CPNE4: variants seen among roughly 807,000 people sequenced by gnomAD.
The protein encoded by CPNE4 is copine 4.
In CPNE4, 25 loss-of-function variants were observed where a neutral mutation model predicts 67.9. The ratio of observed to expected loss-of-function variants is 0.37; its 90% CI spans 0.27 to 0.51. The LOEUF (loss-of-function observed/expected upper bound fraction) is 0.51, where lower values mean the gene tolerates loss of function less well. Among genes scored for constraint, CPNE4 ranks in the 20% least tolerant of loss-of-function variants. The probability of loss-of-function intolerance (pLI) is 0.93; values close to 1 mark genes in which losing one functional copy is unlikely to be tolerated. For synonymous variants in CPNE4, 242 were observed against 244.9 expected (o/e 0.99, Z 0.11); for missense variants, 464 against 690.8 (o/e 0.67, Z 3.68).
intron 2 of CPNE4, among the ~76,000 whole-genome samples, chr3:131,857,242 C>T (rs1324810983): frequency 6.6e-6 from 1 of 152,020 alleles, no homozygotes; most frequent in Non-Finnish European, 1.5e-5. Context: ...ACCCTTTAGG[C>T]CAATGCGTAT....
intron 7 of CPNE4, among the ~76,000 whole-genome samples, chr3:131,658,437 C>G (rs892664492): frequency 6.6e-6 from 1 of 152,180 alleles, no homozygotes; most frequent in Admixed American, 6.5e-5. Flanking sequence ...CTGGAAGTGT[C>G]CAAAAGTATT....
intron 3 of CPNE4, among the ~76,000 whole-genome samples, chr3:131,701,434 A>G (rs1560142133): frequency 1.3e-5 from 2 of 152,188 alleles, no homozygotes; most frequent in Non-Finnish European, 2.9e-5. Flanking sequence ...AAATAGAATA[A>G]TACAAAAGTG....
At chr3:131,805,596 T>C (rs1047268838) in intron 2 of CPNE4, among the ~76,000 whole-genome samples, 5 of 152,222 alleles carry the variant, frequency 3.3e-5, no homozygotes, top group Non-Finnish European at 7.3e-5. Flanking sequence ...TGGAGTCATC[T>C]TGAAGACTGC....
Position 131,636,038 on chromosome 3 carries a change from G to A in CPNE4, c.681+33637C>T, listed in dbSNP as rs1377640914. Among the ~76,000 whole-genome samples, 2 of 89,744 alleles carry A rather than the reference G, an allele frequency of 2.2e-5. 1 individual carries two copies. The highest frequency in any genetic ancestry group is 3.8e-5 in the Non-Finnish European group (2 of 52,728). 58.9% of individuals were successfully genotyped at this position (89,744 alleles called of 152,430 possible). The stretch of plus-strand genomic sequence containing the variant: ...GGAGCTTGCAGTGAGCCGAGATCCC[G>A]CCACTGCACTCCAGCCTGGGCGACA... On this transcript the variant is annotated intron_variant, in intron 7 of 15. Coordinates refer to ENST00000429747, the MANE Select transcript of CPNE4 (RefSeq NM_130808.3).
chr3:131,719,536 G>T (rs937189136), intron 3 of CPNE4, among the ~76,000 whole-genome samples: 2 of 152,074 alleles, frequency 1.3e-5, no homozygotes, highest in Admixed American at 6.6e-5. Context: ...GTTTCCCTTT[G>T]TTCACCCCAC....
intron 1 of CPNE4, among the ~76,000 whole-genome samples, chr3:131,987,775 T>C (rs1274635374): frequency 1.3e-5 from 2 of 152,164 alleles, no homozygotes; most frequent in African/African-American, 4.8e-5. Flanking sequence ...TAGGTTCTGA[T>C]GGTCTAGATT....
intron 2 of CPNE4, among the ~76,000 whole-genome samples, chr3:131,853,419 T>G (rs944485466): frequency 6.6e-6 from 1 of 151,748 alleles, no homozygotes; most frequent in Non-Finnish European, 1.5e-5. Context: ...ACAAAATTAA[T>G]TTGAGATGGA....
intron 1 of CPNE4, among the ~76,000 whole-genome samples, chr3:131,922,476 T>C (rs76204987): frequency 0.075 from 11,482 of 152,184 alleles, 571 homozygotes; most frequent in East Asian, 0.16. Context: ...GCCAAGAGCC[T>C]GATCTAAATT....
intron 3 of CPNE4, among the ~76,000 whole-genome samples, chr3:131,722,232 T>G (rs955342224): frequency 6.6e-6 from 1 of 152,096 alleles, no homozygotes; most frequent in African/African-American, 2.4e-5. Context: ...ACCTGACCCT[T>G]ACCTTGACAG....
At chr3:131,980,305 T>A (rs189776904) in intron 1 of CPNE4, among the ~76,000 whole-genome samples, 1 of 152,306 alleles carries the variant, frequency 6.6e-6, no homozygotes, top group East Asian at 1.9e-4. Flanking sequence ...AGCTTTTAGA[T>A]TTCTCTTCTT....
At chr3:132,011,735 A>G (rs2073768159) in intron 1 of CPNE4, among the ~76,000 whole-genome samples, 1 of 152,248 alleles carries the variant, frequency 6.6e-6, no homozygotes, top group African/African-American at 2.4e-5. Flanking sequence ...CTGTGATGAA[A>G]TCATATTATG....
intron 2 of CPNE4, among the ~76,000 whole-genome samples, chr3:131,871,570 G>T (rs1026716803): frequency 6.6e-6 from 1 of 152,096 alleles, no homozygotes; most frequent in Non-Finnish European, 1.5e-5. Context: ...ATTTTCTGTG[G>T]GTCCAGATAG....
intron 8 of CPNE4, among the ~76,000 whole-genome samples, chr3:131,584,220 A>G (rs1000961974): frequency 2.6e-5 from 4 of 151,974 alleles, no homozygotes; most frequent in Non-Finnish European, 5.9e-5. Context: ...CCCTCTCCCT[A>G]GGTGTACTCA....
chr3:131,574,358 G>A (rs1937488754), intron 10 of CPNE4, among the ~76,000 whole-genome samples: 1 of 152,088 alleles, frequency 6.6e-6, no homozygotes. Context: ...TGAATATTAA[G>A]TCAGTGAAAG....
intron 11 of CPNE4, among the ~76,000 whole-genome samples, chr3:131,561,051 A>G (rs1455238286): frequency 1.3e-5 from 2 of 152,012 alleles, no homozygotes; most frequent in Non-Finnish European, 2.9e-5. Context: ...TCATACCATA[A>G]CTAGTACATC....
chr3:131,547,548 A>G (rs537036067), intron 14 of CPNE4, among the ~76,000 whole-genome samples: 47 of 148,210 alleles, frequency 3.2e-4, no homozygotes, highest in African/African-American at 1.1e-3. Flanking sequence ...AAATGAGCAG[A>G]GAGGAGTCAT....
chr3:131,851,218 G>A (rs902766056), intron 2 of CPNE4, among the ~76,000 whole-genome samples: 8 of 152,012 alleles, frequency 5.3e-5, no homozygotes, highest in Admixed American at 5.3e-4. Context: ...TGATTTATAA[G>A]GACCTAGACA....
intron 3 of CPNE4, among the ~76,000 whole-genome samples, chr3:131,716,944 G>A (rs1026468126): frequency 8.5e-5 from 13 of 152,204 alleles, no homozygotes; most frequent in African/African-American, 2.6e-4. Flanking sequence ...TGCCCTGCCC[G>A]GGGGTGCCCA....
At chr3:131,955,410 G>GTTTTTTTGTTTT (rs1553814124) in intron 1 of CPNE4, among the ~76,000 whole-genome samples, 65 of 42,272 alleles carry the variant, frequency 1.5e-3, no homozygotes, top group Non-Finnish European at 2.4e-3. Flanking sequence ...TGTATGTAAG[G>GTTTTTTTGTTTT]TTTTTTTTTT....
Sources: gnomAD v4.1 joint callset for allele counts (sites outside exome capture counted in the v4.1 genomes callset) on GRCh38, gnomAD v4.1.1 for gene constraint, MANE v1.5 for transcripts, NCBI Gene and HGNC (gene_info 2026-07-23, HGNC 2026-07-21) for gene names.